The following DIS3L2 variants were observed in gnomAD, a reference collection of about 807,000 sequenced individuals.
The protein encoded by DIS3L2 is DIS3 like 3'-5' exoribonuclease 2.
A neutral mutation model predicts 97.5 loss-of-function variants in DIS3L2; 34 were observed. The observed-to-expected ratio is 0.35, with a 90% CI of 0.27 to 0.46. DIS3L2 has a LOEUF of 0.46. DIS3L2 is among the 20% of genes least tolerant of loss of function. The probability of loss-of-function intolerance (pLI) is 1.00; values close to 1 mark genes in which losing one functional copy is unlikely to be tolerated. For synonymous variants in DIS3L2, 435 were observed against 445.2 expected (o/e 0.98, Z 0.29); for missense variants, 1,038 against 1,146.0 (o/e 0.91, Z 1.36).
chr2:232,136,778 C>A (rs1698372057), intron 8 of DIS3L2, 59 bp downstream of exon 8: 4 of 1,567,200 alleles, frequency 2.6e-6, no homozygotes, highest in African/African-American at 1.4e-5. Flanking sequence ...TTTAGGTGGT[C>A]TTTAGGTAAA....
chr2:232,018,652 C>CT (rs1559545740), intron 3 of DIS3L2, among the ~76,000 whole-genome samples: 4 of 151,902 alleles, frequency 2.6e-5, no homozygotes, highest in Admixed American at 1.3e-4. Context: ...CTTTTGACCT[C>CT]TTTTTTTTCT....
At chr2:231,990,825 C>T (rs1169609601) in intron 1 of DIS3L2, among the ~76,000 whole-genome samples, 3 of 152,092 alleles carry the variant, frequency 2.0e-5, no homozygotes, top group East Asian at 1.9e-4. Context: ...CTGCCATTAC[C>T]GATGTCCTGT....
intron 8 of DIS3L2, among the ~76,000 whole-genome samples, chr2:232,161,632 A>G (rs1690654659): frequency 6.6e-6 from 1 of 152,132 alleles, no homozygotes. Flanking sequence ...CACCACACCC[A>G]GCTAAGTTTT....
At chr2:231,983,434 AACTGGGC>A (rs1193164126) in intron 1 of DIS3L2, among the ~76,000 whole-genome samples, 4 of 152,128 alleles carry the variant, frequency 2.6e-5, no homozygotes, top group Admixed American at 2.6e-4. Flanking sequence ...GCCTGTTAGG[AACTGGGC>A]CACAACAGCA....
At chr2:232,103,912 T>C (rs907577776) in intron 6 of DIS3L2, among the ~76,000 whole-genome samples, 2 of 152,204 alleles carry the variant, frequency 1.3e-5, no homozygotes, top group Admixed American at 6.5e-5. Flanking sequence ...GCACATACTG[T>C]AATGTATTAG....
chr2:232,336,390 G>C (rs761380908), intron 20 of DIS3L2, 79 bp from the exon 21 acceptor site: 1 of 1,552,416 alleles, frequency 6.4e-7, no homozygotes, highest in Non-Finnish European at 8.7e-7. Flanking sequence ...CAGGGGTCCT[G>C]CTGCAGGGAT....
Position 232,249,258 on chromosome 2 carries a change from G to T in DIS3L2, c.1337G>T (p.Arg446Met), listed in dbSNP as rs369290389. 34 of 1,613,968 alleles carry T rather than the reference G, an allele frequency of 2.1e-5. No homozygotes were observed. Among genetic ancestry groups the T allele is most frequent in the Non-Finnish European group, 2.7e-5 (32 of 1,180,038 alleles). ...TTACAGGTGGTCCCCATGCTTCCCA[G>T]GCTGCTGTGTGAGGAGCTGTGCAGC... ...LVQKVVPMLPRLLCEELCSLN... is the reference protein window; with the variant it reads ...LVQKVVPMLPMLLCEELCSLN... The change falls in exon 12 of 21, where the codon AGG (arginine) becomes ATG (methionine). Residue 446 changes from arginine to methionine, a missense_variant. Around this residue, in one of 3 missense-constraint regions of DIS3L2, gnomAD observed 813 missense variants for 880.1 expected, o/e 0.92. Coordinates refer to ENST00000325385, the MANE Select transcript of DIS3L2 (RefSeq NM_152383.5).
rs1398425297 is a variant in DIS3L2 at position 232,052,045 on chromosome 2, A to T, written c.366+21965A>T. Among the ~76,000 whole-genome samples the T allele has an allele frequency of 2.0e-4, 30 of 146,584 alleles. No individual in the cohort carries two copies. The Middle Eastern group carries it at 0.011, about 52-fold the overall frequency. On this transcript the variant is annotated intron_variant, in intron 5 of 20. Transcript: ENST00000325385. The stretch of plus-strand genomic sequence containing the variant: ...CTTAATTTCCTTTTTTTTTTTTGAG[A>T]TGGAGTTTCCTTCTGTCACCCAGGC...
At chr2:232,082,851 A>G (rs1696445692) in intron 5 of DIS3L2, among the ~76,000 whole-genome samples, 1 of 152,198 alleles carries the variant, frequency 6.6e-6, no homozygotes, top group Non-Finnish European at 1.5e-5. Context: ...GTTGATAAAG[A>G]CATAACCAGG....
chr2:232,213,226 A>C (rs1190950402), intron 10 of DIS3L2, among the ~76,000 whole-genome samples: 2 of 152,204 alleles, frequency 1.3e-5, no homozygotes, highest in African/African-American at 4.8e-5. Flanking sequence ...ATAGTTGTAT[A>C]ATGAAAAAAT....
chr2:232,329,476 G>A, intron 14 of DIS3L2: 1 of 282,622 alleles, frequency 3.5e-6, no homozygotes, highest in Non-Finnish European at 6.6e-6. Context: ...TGCCTTCTCT[G>A]GATTGGGTGG....
rs147069149 is a variant in DIS3L2 at position 232,343,248 on chromosome 2, G to A, written c.1582-97G>A. On this transcript the variant is annotated intron_variant, in intron 13 of 13. Transcript: ENST00000273009. ...TGTATCTTTCTGAAGCTATGGAGCT[G>A]ACGCAGGCTGAGTAGGCTCACCTTT... The A allele has an allele frequency of 6.7e-5, 67 of 1,001,064 alleles. 1 individual carries two copies. Among genetic ancestry groups the A allele is most frequent in the African/African-American group, 6.2e-4 (38 of 61,254 alleles). The allele number at this position is 1,001,064 out of a possible 1,614,324, so 62.0% of individuals were successfully genotyped here.
chr2:232,053,224 T>C (rs2342291), intron 5 of DIS3L2, among the ~76,000 whole-genome samples: 120,644 of 152,226 alleles, frequency 0.79, 48,404 homozygotes, highest in African/African-American at 0.9. Context: ...TAAACTTCAT[T>C]TTCAAGGTAC....
intron 12 of DIS3L2, among the ~76,000 whole-genome samples, chr2:232,254,545 G>A (rs1693504930): frequency 6.6e-6 from 1 of 152,114 alleles, no homozygotes. Flanking sequence ...TTTCGTGAAA[G>A]TTTAACTAAA....
At chr2:232,265,538 C>G (rs1444847792) in intron 13 of DIS3L2, among the ~76,000 whole-genome samples, 1 of 152,232 alleles carries the variant, frequency 6.6e-6, no homozygotes, top group African/African-American at 2.4e-5. Context: ...CCCTTGGCCC[C>G]CACCAGGGGA....
Position 232,336,647 on chromosome 2 carries a change from G to T in DIS3L2, c.*17G>T, listed in dbSNP as rs376422157. 5.6e-5 allele frequency: 84 copies of T among 1,500,050 alleles called. No individual in the cohort carries two copies. The East Asian group carries it at 8.1e-4, about 15-fold the overall frequency. The allele number at this position is 1,500,050 out of a possible 1,614,324, so 92.9% of individuals were successfully genotyped here. A position where few individuals can be genotyped will look rare whatever the true frequency, so the allele number is the denominator to read the frequency against. On this transcript the variant is annotated 3_prime_UTR_variant, in exon 21 of 21. Coordinates refer to ENST00000325385, the MANE Select transcript of DIS3L2 (RefSeq NM_152383.5). The stretch of plus-strand genomic sequence containing the variant: ...ACCAGCTGAGCTCCACCAGCCGCCT[G>T]CCCCGCCTGCCCCGCCTGCCTGTCC...
chr2:232,281,721 G>A lies in DIS3L2; in HGVS notation c.1659+18281G>A, dbSNP rs1204197259. ...AGACGTGCCACCCAGGAGCATCATC[G>A]GCACCACCCAGGGGAGGAAGAGCAG... On this transcript the variant is annotated intron_variant, in intron 13 of 20. Transcript: ENST00000325385. The surrounding 1 kb of genome is among the most constrained non-coding windows in gnomAD (Gnocchi z 4.1). Among the ~76,000 whole-genome samples, 1 of 152,122 alleles carries A rather than the reference G, an allele frequency of 6.6e-6. No individual in the cohort carries two copies. The highest frequency in any genetic ancestry group is 1.5e-5 in the Non-Finnish European group (1 of 68,016).
At chr2:232,094,009 A>G (rs1316639959) in intron 6 of DIS3L2, among the ~76,000 whole-genome samples, 1 of 151,954 alleles carries the variant, frequency 6.6e-6, no homozygotes, top group African/African-American at 2.4e-5. Flanking sequence ...CTTTCCCTGC[A>G]TCCCATAGGT....
At chr2:232,274,861 C>A (rs1203369861) in intron 13 of DIS3L2, among the ~76,000 whole-genome samples, 1 of 152,186 alleles carries the variant, frequency 6.6e-6, no homozygotes, top group Non-Finnish European at 1.5e-5. Flanking sequence ...CAATATGGAG[C>A]AGTCTTTTAC....
Sources: gnomAD v4.1 joint callset for allele counts (sites outside exome capture counted in the v4.1 genomes callset) on GRCh38, gnomAD v4.1.1 for gene constraint, gnomAD v4.1.1 regional missense constraint, Gnocchi (gnomAD v3.1) non-coding constraint, MANE v1.5 for transcripts, NCBI Gene and HGNC (gene_info 2026-07-23, HGNC 2026-07-21) for gene names.